Variants in NSUN7 observed in about 807,000 individuals in gnomAD.
NSUN7 encodes the protein protein NSUN7.
A neutral mutation model predicts 58.5 loss-of-function variants in NSUN7; 39 were observed. The ratio of observed to expected loss-of-function variants is 0.67; its 90% CI spans 0.52 to 0.87. The LOEUF (loss-of-function observed/expected upper bound fraction) is 0.87, where lower values mean the gene tolerates loss of function less well. Among genes scored for constraint, NSUN7 ranks in the 40% least tolerant of loss-of-function variants. The probability of loss-of-function intolerance (pLI) is 0.00; values close to 1 mark genes in which losing one functional copy is unlikely to be tolerated. For synonymous variants in NSUN7, 278 were observed against 303.7 expected (o/e 0.92, Z 0.88); for missense variants, 765 against 844.1 (o/e 0.91, Z 1.16).
intron 7 of NSUN7, among the ~76,000 whole-genome samples, chr4:40,782,555 A>G (rs1035088411): frequency 2.6e-5 from 4 of 151,650 alleles, no homozygotes; most frequent in African/African-American, 7.3e-5. Context: ...CTCAAAAAAA[A>G]AAAAAAAGAA....
chr4:40,761,349 A>G, intron 4 of NSUN7, 48 bp downstream of exon 4: 1 of 1,463,746 alleles, frequency 6.8e-7, no homozygotes, highest in Middle Eastern at 1.9e-4. Context: ...CTACATTGGT[A>G]TTGTTATTGG....
chr4:40,760,786 C>T (rs1255015716), intron 3 of NSUN7, among the ~76,000 whole-genome samples: 2 of 150,994 alleles, frequency 1.3e-5, no homozygotes, highest in Admixed American at 6.6e-5. Flanking sequence ...GCTTGAAAAC[C>T]CAGGAGGCAG....
At chr4:40,805,506 T>A (rs181091844) in intron 10 of NSUN7, among the ~76,000 whole-genome samples, 6 of 152,352 alleles carry the variant, frequency 3.9e-5, no homozygotes, top group African/African-American at 1.4e-4. Flanking sequence ...AAAGGTCATG[T>A]GATTAGGTCA....
At chr4:40,802,937 T>TC (rs1286803220) in intron 10 of NSUN7, among the ~76,000 whole-genome samples, 1 of 71,734 alleles carries the variant, frequency 1.4e-5, no homozygotes, top group Non-Finnish European at 2.5e-5. Flanking sequence ...CCCTCCCCCC[T>TC]CCCCCCACCC....
intron 9 of NSUN7, among the ~76,000 whole-genome samples, chr4:40,796,215 G>A (rs1183829965): frequency 1.7e-4 from 26 of 152,178 alleles, no homozygotes; most frequent in Admixed American, 1.7e-3. Context: ...TTAGCCGGGC[G>A]TGTTGGCGCA....
At chr4:40,781,471 G>A (rs1257426821) in intron 7 of NSUN7, among the ~76,000 whole-genome samples, 1 of 151,974 alleles carries the variant, frequency 6.6e-6, no homozygotes, top group Non-Finnish European at 1.5e-5. Flanking sequence ...TATAGAGACG[G>A]GGTCTCGCTC....
rs1471826666 is a variant in NSUN7, at chr4:40,774,301, T to C, written c.525T>C (p.Cys175=). 1 of 1,614,146 alleles carries C rather than the reference T, an allele frequency of 6.2e-7. No individual in the cohort carries two copies. The highest frequency in any genetic ancestry group is 1.1e-5 in the South Asian group (1 of 91,080). The change falls in exon 5 of 12, where the codon TGT becomes TGC. Residue 175 remains cysteine, a synonymous_variant. Coordinates refer to ENST00000381782, the MANE Select transcript of NSUN7 (RefSeq NM_024677.6). ...AATTGGCTGCAGCATTGGCAAGATG[T>C]CGAATCAAGCATGATGCCCTTTCAA... ...KIKLAAALAR[C]RIKHDALSIY...
chr4:40,803,313 G>A (rs1387245504), intron 10 of NSUN7, among the ~76,000 whole-genome samples: 5 of 152,100 alleles, frequency 3.3e-5, no homozygotes, highest in African/African-American at 1.2e-4. Flanking sequence ...GTAATGGGAT[G>A]GCTGGGTCAA....
intron 2 of NSUN7, among the ~76,000 whole-genome samples, chr4:40,753,283 T>C (rs1446584775): frequency 6.6e-6 from 1 of 150,558 alleles, no homozygotes; most frequent in Admixed American, 6.6e-5. Flanking sequence ...TATCTTTCTT[T>C]TTTTTTTTTT....
In NSUN7 at chr4:40,776,141, A is replaced by G. The variant is rs750593395; in HGVS notation, c.918A>G (p.Thr306=). 1 of 1,607,716 alleles carries G rather than the reference A, an allele frequency of 6.2e-7. No homozygotes were observed. The highest frequency in any genetic ancestry group is 1.7e-5 in the Admixed American group (1 of 59,892). Reference sequence around the variant, plus strand: ...TGGTCAATACAGGCTCATGGTACACAGTTTCCCACATGTCAATTTTAACAA... The same window carrying G: ...TGGTCAATACAGGCTCATGGTACACGGTTTCCCACATGTCAATTTTAACAA... ...VLMVNTGSWY[T]VSHMSILTNN... Residue 306 remains threonine, a synonymous_variant, in exon 7 of 12, where the codon ACA becomes ACG. Transcript: ENST00000381782.
chr4:40,796,096 G>T (rs1037389158), intron 9 of NSUN7, among the ~76,000 whole-genome samples: 1 of 152,156 alleles, frequency 6.6e-6, no homozygotes, highest in African/African-American at 2.4e-5. Flanking sequence ...AGCCAGGCGT[G>T]GTGGCTCATG....
rs187150687 is a variant in NSUN7 at position 40,801,611 on chromosome 4, T to G, written c.1400+2707T>G. Among the ~76,000 whole-genome samples, 34 of 151,946 alleles carry G rather than the reference T, an allele frequency of 2.2e-4. No individual in the cohort carries two copies. In the East Asian group the frequency reaches 5.4e-3, roughly 24 times the overall value. ...TAAATACTTGAATTAAAAATTTGCT[T>G]TATAGGTTGAGCATGGTGGCTCACG... On this transcript the variant is annotated intron_variant, in intron 10 of 11. Transcript: ENST00000381782.
intron 7 of NSUN7, among the ~76,000 whole-genome samples, chr4:40,782,100 A>C (rs1041223654): frequency 6.6e-6 from 1 of 152,242 alleles, no homozygotes; most frequent in Non-Finnish European, 1.5e-5. Context: ...AAATTAGTAT[A>C]TAGTAAGGTT....
rs1399265274 is a variant in NSUN7, at chr4:40,775,085, C to T, written c.825+135C>T. Reference sequence around the variant, plus strand: ...GGAGGTTTATAAGGCCTAATTGTCACCTTGAATAAAATTAATACCTCTACA... The same window carrying T: ...GGAGGTTTATAAGGCCTAATTGTCATCTTGAATAAAATTAATACCTCTACA... On this transcript the variant is annotated intron_variant, in intron 6 of 11. Transcript: ENST00000381782. The surrounding 1 kb of genome is among the most constrained non-coding windows in gnomAD (Gnocchi z 4.3). 6 of 453,638 alleles carry T rather than the reference C, an allele frequency of 1.3e-5. No individual in the cohort carries two copies. The South Asian group carries it at 1.7e-4, about 13-fold the overall frequency. 28.1% of individuals were successfully genotyped at this position (453,638 alleles called of 1,614,324 possible).
chr4:40,777,792 G>A (rs111906782), intron 7 of NSUN7, among the ~76,000 whole-genome samples: 1 of 152,106 alleles, frequency 6.6e-6, no homozygotes, highest in African/African-American at 2.4e-5. Flanking sequence ...TTGAGACAGG[G>A]TCTTGTTATG....
At position 40,761,196 on chromosome 4, in the gene NSUN7, T is replaced by C. The variant is rs1217882964; in HGVS notation, c.383T>C (p.Ile128Thr). 6.3e-7 allele frequency: 1 copy of C among 1,586,906 alleles called. No individual in the cohort carries two copies. Among genetic ancestry groups the C allele is most frequent in the Non-Finnish European group, 8.5e-7 (1 of 1,171,226 alleles). ...CCAGATCATTTGAGCAGTCTTATTA[T>C]TGTGATGCTATATGATTTCCAAGAT... ...TIPDHLSSLI[I>T]VMLYDFQDRK... is the part of the protein sequence containing the mutation. Residue 128 changes from isoleucine to threonine, a missense_variant, in exon 4 of 12, where the codon ATT becomes ACT. By Grantham distance (89) the Ile-to-Thr change is moderately conservative. Coordinates refer to ENST00000381782, the MANE Select transcript of NSUN7 (RefSeq NM_024677.6).
intron 7 of NSUN7, among the ~76,000 whole-genome samples, chr4:40,777,980 G>A (rs1742349984): frequency 6.6e-6 from 1 of 151,852 alleles, no homozygotes; most frequent in South Asian, 2.1e-4. Flanking sequence ...GCAAAGACCT[G>A]GAAACTATAA....
chr4:40,782,203 A>G (rs897245887), intron 7 of NSUN7, among the ~76,000 whole-genome samples: 2 of 152,194 alleles, frequency 1.3e-5, no homozygotes, highest in African/African-American at 4.8e-5. Context: ...TTTTTATAAC[A>G]TCAAAAATAA....
chr4:40,768,873 T>C (rs1006710320), intron 4 of NSUN7, among the ~76,000 whole-genome samples: 7 of 152,184 alleles, frequency 4.6e-5, no homozygotes, highest in Non-Finnish European at 8.8e-5. Flanking sequence ...TTAAATTATT[T>C]GTTGGACTGT....
Sources: allele counts gnomAD v4.1 joint callset (sites outside exome capture counted in the v4.1 genomes callset), GRCh38; gene constraint gnomAD v4.1.1; non-coding constraint Gnocchi (gnomAD v3.1); transcripts MANE v1.5; gene names NCBI Gene and HGNC (gene_info 2026-07-23, HGNC 2026-07-21).